KIFC1: variants seen among roughly 807,000 people sequenced by gnomAD.
KIFC1 encodes kinesin family member C1.
KIFC1 carries 37 observed loss-of-function variants against 66.6 expected under a neutral mutation model. The ratio of observed to expected loss-of-function variants is 0.56; its 90% CI spans 0.43 to 0.73. The LOEUF (loss-of-function observed/expected upper bound fraction) is 0.73, where lower values mean the gene tolerates loss of function less well. Ranked by LOEUF, KIFC1 falls within the 30% of genes least tolerant of loss-of-function variation. The pLI, the probability that KIFC1 is intolerant of heterozygous loss-of-function variation, is 0.00. For synonymous variants in KIFC1, 325 were observed against 343.5 expected (o/e 0.95, Z 0.60); for missense variants, 721 against 859.8 (o/e 0.84, Z 2.02).
chr6:33,399,326 T>C (rs1327990710), intron 3 of KIFC1, among the ~76,000 whole-genome samples: 1 of 151,768 alleles, frequency 6.6e-6, no homozygotes, highest in Non-Finnish European at 1.5e-5. Flanking sequence ...GAGGTGGAGG[T>C]TGCAGTGAGC....
rs573233225 is a variant in KIFC1 at position 33,409,894 on chromosome 6, C to T, written c.*204C>T. The T allele has an allele frequency of 3.4e-6, 2 of 595,020 alleles. No individual in the cohort carries two copies. Among genetic ancestry groups the T allele is most frequent in the South Asian group, 2.1e-5 (1 of 47,350 alleles). The allele number at this position is 595,020 out of a possible 1,614,324, so 36.9% of individuals were successfully genotyped here. A position where few individuals can be genotyped will look rare whatever the true frequency, so the allele number is the denominator to read the frequency against. On this transcript the variant is annotated 3_prime_UTR_variant, in exon 11 of 11. Transcript: ENST00000428849. Reference sequence around the variant, plus strand: ...AATAAAGGTTTTATTAGCATTTGCCCAAGAAGGCAGATACTTTCATATCTG... The same window carrying T: ...AATAAAGGTTTTATTAGCATTTGCCTAAGAAGGCAGATACTTTCATATCTG...
chr6:33,394,234 G>T (rs1393487002), intron 1 of KIFC1, among the ~76,000 whole-genome samples: 1 of 152,184 alleles, frequency 6.6e-6, no homozygotes, highest in Non-Finnish European at 1.5e-5. Context: ...AGATGATGGT[G>T]TCTTAGGTCA....
rs181303555 is a variant in KIFC1 at position 33,398,201 on chromosome 6, G to A, written c.150+35G>A. The A allele has an allele frequency of 4.3e-6, 7 of 1,613,588 alleles. No homozygotes were observed. In the East Asian group the frequency reaches 8.9e-5, roughly 21 times the overall value. On this transcript the variant is annotated intron_variant, in intron 2 of 10. Transcript: ENST00000428849. ...GCATGGAGAGCTGTGCATGTGTGTG[G>A]GGGGTGTGTGTGTGTGAAAGAAAGG...
chr6:33,405,460 C>G lies in KIFC1; in HGVS notation c.1365C>G (p.Tyr455Ter). ...AQELSGQGWT[Y>*]SFVASYVEIY... ...AGCTGAGTGGTCAGGGCTGGACCTA[C>G]AGCTTTGTAGCAAGCTACGTAGAGA... is the stretch of plus-strand genomic sequence containing the variant. Residue 455 changes from tyrosine to a stop codon, truncating the protein, a stop_gained, in exon 7 of 11, where the codon TAC becomes TAG. Transcript: ENST00000428849. LOFTEE classifies it high-confidence loss of function. This position sits in a 1 kb window ranked among gnomAD's most constrained non-coding sequence, Gnocchi z 5.4. 6.2e-7 allele frequency: 1 copy of G among 1,609,594 alleles called. No individual in the cohort carries two copies. Among genetic ancestry groups the G allele is most frequent in the Non-Finnish European group, 8.5e-7 (1 of 1,177,388 alleles).
In KIFC1 at chr6:33,391,884, T is replaced by C; in HGVS notation, c.-102T>C. 2 of 1,455,378 alleles carry C rather than the reference T, an allele frequency of 1.4e-6. No individual in the cohort carries two copies. Among genetic ancestry groups the C allele is most frequent in the South Asian group, 2.4e-5 (2 of 85,084 alleles). The allele number at this position is 1,455,378 out of a possible 1,614,324, so 90.2% of individuals were successfully genotyped here. On this transcript the variant is annotated 5_prime_UTR_variant, in exon 1 of 11. Transcript: ENST00000428849. The stretch of plus-strand genomic sequence containing the variant: ...AGCGGCCGGAGCCGTGCGAGTTCTC[T>C]ACCCTGCTTCGCGAGCGGGCGAGAG...
Position 33,405,063 on chromosome 6 carries a change from G to C in KIFC1, c.968G>C (p.Gly323Ala), listed in dbSNP as rs145666693. 6.9e-4 allele frequency: 1,115 copies of C among 1,614,076 alleles called. 1 individual carries two copies. The African/African-American group carries it at 8.6e-3, about 13-fold the overall frequency. ...TGCCGGGTCCGCCCTGTCCTGCCGG[G>C]GGAGCCCACTCCACCCCCTGGCCTC... The part of the protein sequence containing the change: ...VFCRVRPVLP[G>A]EPTPPPGLLL... The change falls in exon 7 of 11, where the codon GGG (glycine) becomes GCG (alanine). Residue 323 changes from glycine (G) to alanine (A), a missense_variant. Transcript: ENST00000428849. The surrounding 1 kb of genome is among the most constrained non-coding windows in gnomAD (Gnocchi z 5.4).
rs774758891 is a variant in KIFC1 at position 33,405,547 on chromosome 6, G to C, written c.1452G>C (p.Glu484Asp). ...GAACCCGGAAGGGTCAAGGGGGCGA[G>C]TGTGAGATTCGCCGTGCAGGGCCAG... The part of the protein sequence containing the change: ...ATGTRKGQGG[E>D]CEIRRAGPGS... The change falls in exon 7 of 11, where the codon GAG becomes GAC. Residue 484 changes from glutamate (E) to aspartate (D), a missense_variant. Glu to Asp is a conservative substitution (Grantham distance 45). Coordinates refer to ENST00000428849, the MANE Select transcript of KIFC1 (RefSeq NM_002263.4). The surrounding 1 kb of genome is among the most constrained non-coding windows in gnomAD (Gnocchi z 5.4). 1 of 1,604,688 alleles carries C rather than the reference G, an allele frequency of 6.2e-7. No individual in the cohort carries two copies. Among genetic ancestry groups the C allele is most frequent in the Non-Finnish European group, 8.5e-7 (1 of 1,175,892 alleles).
chr6:33,393,302 TCA>T (rs1035356942), intron 1 of KIFC1, among the ~76,000 whole-genome samples: 4 of 152,172 alleles, frequency 2.6e-5, no homozygotes, highest in Non-Finnish European at 5.9e-5. Flanking sequence ...GGGTTGCTGA[TCA>T]CAGTTTGTCC....
rs1046927028 is a variant in KIFC1, at chr6:33,400,633, G to C, written c.250+2246G>C. The C allele has an allele frequency of 6.9e-6, 5 of 726,752 alleles. No individual in the cohort carries two copies. The East Asian group carries it at 1.4e-4, about 20-fold the overall frequency. The allele number at this position is 726,752 out of a possible 1,614,324, so 45.0% of individuals were successfully genotyped here. ...GTTGCACCTTGGCCTCCTCCGAGCC[G>C]AAAGCCGAGAGCTTCTCTCTCTTTT... On this transcript the variant is annotated intron_variant, in intron 3 of 10. Transcript: ENST00000428849. This position sits in a 1 kb window ranked among gnomAD's most constrained non-coding sequence, Gnocchi z 4.3.
In KIFC1 at chr6:33,405,903, T is replaced by G. The variant is rs1174601543; in HGVS notation, c.1536+272T>G. Among the ~76,000 whole-genome samples, 3 of 152,162 alleles carry G rather than the reference T, an allele frequency of 2.0e-5. No homozygotes were observed. Among genetic ancestry groups the G allele is most frequent in the African/African-American group, 7.2e-5 (3 of 41,412 alleles). On this transcript the variant is annotated intron_variant, in intron 7 of 10. Coordinates refer to ENST00000428849, the MANE Select transcript of KIFC1 (RefSeq NM_002263.4). The surrounding 1 kb of genome is among the most constrained non-coding windows in gnomAD (Gnocchi z 5.4). ...TCAGCTCATCCTAGCCATGCTGGCC[T>G]CCTGGCTGTTCCTCAACCAGCTAGT...
At position 33,403,392 on chromosome 6, in the gene KIFC1, T is replaced by C; in HGVS notation, c.304+25T>C. On this transcript the variant is annotated intron_variant, in intron 4 of 10. Coordinates refer to ENST00000428849, the MANE Select transcript of KIFC1 (RefSeq NM_002263.4). The surrounding 1 kb of genome is among the most constrained non-coding windows in gnomAD (Gnocchi z 4.6). ...GGTAACTGTGCTCAAGAGCTGGGTC[T>C]GAGAAGGGATTTGGGGTATGTGTAA... The C allele has an allele frequency of 6.2e-7, 1 of 1,613,472 alleles. No homozygotes were observed. Among genetic ancestry groups the C allele is most frequent in the African/African-American group, 1.3e-5 (1 of 75,036 alleles).
chr6:33,397,371 C>T (rs1467835858), intron 1 of KIFC1, among the ~76,000 whole-genome samples: 3 of 145,992 alleles, frequency 2.1e-5, no homozygotes, highest in Admixed American at 1.4e-4. Context: ...GATCTCGGCT[C>T]ACCGCAACCT....
rs370929105 is a variant in KIFC1 at position 33,401,851 on chromosome 6, G to A, written c.251-1463G>A. Among the ~76,000 whole-genome samples, 3 of 152,064 alleles carry A rather than the reference G, an allele frequency of 2.0e-5. No individual in the cohort carries two copies. The highest frequency in any genetic ancestry group is 6.6e-5 in the Admixed American group (1 of 15,258). ...GGAGTAGCTGGGACTACAGGTGCCC[G>A]CCACCACGCCTGGTTAATTTTGTTT... On this transcript the variant is annotated intron_variant, in intron 3 of 10. Coordinates refer to ENST00000428849, the MANE Select transcript of KIFC1 (RefSeq NM_002263.4). This position sits in a 1 kb window ranked among gnomAD's most constrained non-coding sequence, Gnocchi z 4.5.
In KIFC1 at chr6:33,405,652, G is replaced by C. The variant is rs1356079109; in HGVS notation, c.1536+21G>C. 1 of 1,483,180 alleles carries C rather than the reference G, an allele frequency of 6.7e-7. No individual in the cohort carries two copies. The highest frequency in any genetic ancestry group is 8.9e-7 in the Non-Finnish European group (1 of 1,120,954). 91.9% of individuals were successfully genotyped at this position (1,483,180 alleles called of 1,614,324 possible). A position where few individuals can be genotyped will look rare whatever the true frequency, so the allele number is the denominator to read the frequency against. On this transcript the variant is annotated intron_variant, in intron 7 of 10. Transcript: ENST00000428849. This position sits in a 1 kb window ranked among gnomAD's most constrained non-coding sequence, Gnocchi z 5.4. ...AAGAAGTGAGGACCCATGGGCACTG[G>C]AACTGGGAAATGGGGAGGAGTGGGC...
rs1159386432 is a variant in KIFC1, at chr6:33,403,778, A to T, written c.405A>T (p.Pro135=). The change falls in exon 6 of 11, where the codon CCA becomes CCT. Residue 135 remains proline, a synonymous_variant. Coordinates refer to ENST00000428849, the MANE Select transcript of KIFC1 (RefSeq NM_002263.4). This position sits in a 1 kb window ranked among gnomAD's most constrained non-coding sequence, Gnocchi z 4.6. Reference sequence around the variant, plus strand: ...GAGGGAAGAAACCCAGCAAACGTCCAGCCTGGGACTTAAAGGGTCAGTTAT... The same window carrying T: ...GAGGGAAGAAACCCAGCAAACGTCCTGCCTGGGACTTAAAGGGTCAGTTAT... ...MAGGKKPSKR[P]AWDLKGQLCD... is the part of the protein sequence containing the mutation. The T allele has an allele frequency of 6.2e-7, 1 of 1,614,150 alleles. No individual in the cohort carries two copies.
At position 33,405,776 on chromosome 6, in the gene KIFC1, C is replaced by A; in HGVS notation, c.1536+145C>A. 1.1e-6 allele frequency: 1 copy of A among 871,512 alleles called. No homozygotes were observed. The highest frequency in any genetic ancestry group is 1.7e-6 in the Non-Finnish European group (1 of 605,200). The allele number at this position is 871,512 out of a possible 1,614,324, so 54.0% of individuals were successfully genotyped here. ...CTGGGTTACCACATCCGGTTTTGGC[C>A]TGTGGGCTGTCGGTAGATCTGCCTT... On this transcript the variant is annotated intron_variant, in intron 7 of 10. Transcript: ENST00000428849. This position sits in a 1 kb window ranked among gnomAD's most constrained non-coding sequence, Gnocchi z 5.4.
rs1775354595 is a variant in KIFC1 at position 33,401,167 on chromosome 6, C to T, written c.251-2147C>T. On this transcript the variant is annotated intron_variant, in intron 3 of 10. Transcript: ENST00000428849. The surrounding 1 kb of genome is among the most constrained non-coding windows in gnomAD (Gnocchi z 4.5). ...TTTTTGTTTTTGAGACAGAGTCTCG[C>T]TCTTTCGCCCAGGCTGGAGTGCAAT... Among the ~76,000 whole-genome samples the T allele has an allele frequency of 1.3e-5, 2 of 152,156 alleles. No homozygotes were observed. The highest frequency in any genetic ancestry group is 4.1e-4 in the South Asian group (2 of 4,832).
At position 33,403,451 on chromosome 6, in the gene KIFC1, C is replaced by T; in HGVS notation, c.305-34C>T. 6.2e-7 allele frequency: 1 copy of T among 1,612,124 alleles called. No homozygotes were observed. Among genetic ancestry groups the T allele is most frequent in the Non-Finnish European group, 8.5e-7 (1 of 1,178,142 alleles). ...TGATGGAGGTGGAGGGACACTGGTC[C>T]TGTAATTCCTAAGTCACCTCCTCAA... On this transcript the variant is annotated intron_variant, in intron 4 of 10. Coordinates refer to ENST00000428849, the MANE Select transcript of KIFC1 (RefSeq NM_002263.4). This position sits in a 1 kb window ranked among gnomAD's most constrained non-coding sequence, Gnocchi z 4.6.
In KIFC1 at chr6:33,406,124, T is replaced by C. The variant is rs1331280281; in HGVS notation, c.1537-72T>C. 2 of 1,409,590 alleles carry C rather than the reference T, an allele frequency of 1.4e-6. No individual in the cohort carries two copies. Among genetic ancestry groups the C allele is most frequent in the Non-Finnish European group, 9.7e-7 (1 of 1,035,698 alleles). The allele number at this position is 1,409,590 out of a possible 1,614,324, so 87.3% of individuals were successfully genotyped here. A position where few individuals can be genotyped will look rare whatever the true frequency, so the allele number is the denominator to read the frequency against. On this transcript the variant is annotated intron_variant, in intron 7 of 10. Coordinates refer to ENST00000428849, the MANE Select transcript of KIFC1 (RefSeq NM_002263.4). The surrounding 1 kb of genome is among the most constrained non-coding windows in gnomAD (Gnocchi z 4.5). The stretch of plus-strand genomic sequence containing the variant: ...CTTCAAGAGGGTGGGGGTGGGCTCT[T>C]ATTCATTTCCATACATATTACTATG...
Sources: gnomAD v4.1 joint callset for allele counts (sites outside exome capture counted in the v4.1 genomes callset) on GRCh38, gnomAD v4.1.1 for gene constraint, Gnocchi (gnomAD v3.1) non-coding constraint, MANE v1.5 for transcripts, NCBI Gene and HGNC (gene_info 2026-07-23, HGNC 2026-07-21) for gene names.